AHCYL2: variants seen among roughly 807,000 people sequenced by gnomAD.
AHCYL2 encodes adenosylhomocysteinase like 2, also known as S-adenosylhomocysteine hydrolase-like protein 2.
A neutral mutation model predicts 81.4 loss-of-function variants in AHCYL2; 28 were observed. The ratio of observed to expected loss-of-function variants is 0.34; its 90% CI spans 0.25 to 0.47. The LOEUF (loss-of-function observed/expected upper bound fraction) is 0.47. Among genes scored for constraint, AHCYL2 ranks in the 20% least tolerant of loss-of-function variants. The pLI is 1.00. For synonymous variants in AHCYL2, 272 were observed against 290.2 expected, an observed-to-expected ratio of 0.94 and a Z score of 0.64; for missense variants, 551 against 785.1, an observed-to-expected ratio of 0.70 and a Z score of 3.56.
At chr7:129,341,938 T>C (rs1355538654) in intron 1 of AHCYL2, among the ~76,000 whole-genome samples, 1 of 152,174 alleles carries the variant, frequency 6.6e-6, no homozygotes, top group Non-Finnish European at 1.5e-5. Context: ...GGACTACAAG[T>C]CTGTTAAGTG....
intron 1 of AHCYL2, among the ~76,000 whole-genome samples, chr7:129,241,135 A>G (rs1401514101): frequency 6.6e-6 from 1 of 152,198 alleles, no homozygotes; most frequent in Non-Finnish European, 1.5e-5. Flanking sequence ...GAGTTGACAC[A>G]TGCAGCATGT....
intron 1 of AHCYL2, among the ~76,000 whole-genome samples, chr7:129,379,413 A>G (rs1459508735): frequency 6.6e-6 from 1 of 152,046 alleles, no homozygotes; most frequent in Middle Eastern, 3.2e-3. Context: ...TGAACCCAGG[A>G]GTTCAAGGCC....
intron 1 of AHCYL2, among the ~76,000 whole-genome samples, chr7:129,228,076 C>T (rs1009091739): frequency 3.3e-5 from 5 of 152,176 alleles, no homozygotes; most frequent in Non-Finnish European, 7.3e-5. Context: ...CTTAGATTGT[C>T]TATGTAAATA....
At chr7:129,416,597 A>G (rs1401597845) in intron 12 of AHCYL2, among the ~76,000 whole-genome samples, 1 of 152,134 alleles carries the variant, frequency 6.6e-6, no homozygotes, top group Non-Finnish European at 1.5e-5. Context: ...CAGGAGTTCA[A>G]GACCAGCCTG....
rs140822999 is a variant in AHCYL2 at position 129,393,629 on chromosome 7, C to T, written c.721-3593C>T. 7.7e-3 allele frequency among the ~76,000 whole-genome samples: 1,178 copies of T among 152,286 alleles called. 17 individuals are homozygous for T. Among genetic ancestry groups the T allele is most frequent in the African/African-American group, 0.027 (1,122 of 41,554 alleles). On this transcript the variant is annotated intron_variant, in intron 4 of 16. Transcript: ENST00000325006. Reference sequence around the variant, plus strand: ...TTCCCAGTTTGACCAGGGAGAGCCTCTTCAGTGTGGCTTCTGTGACTTCTT... The same window carrying T: ...TTCCCAGTTTGACCAGGGAGAGCCTTTTCAGTGTGGCTTCTGTGACTTCTT...
chr7:129,260,586 G>T (rs1459701818), intron 1 of AHCYL2, among the ~76,000 whole-genome samples: 1 of 152,114 alleles, frequency 6.6e-6, no homozygotes, highest in African/African-American at 2.4e-5. Context: ...AATTCTCAGG[G>T]TGTTGCTTGA....
intron 8 of AHCYL2, 78 bp from the exon 9 acceptor site, chr7:129,405,758 A>C: frequency 1.5e-6 from 2 of 1,356,132 alleles, no homozygotes; most frequent in South Asian, 3.1e-5. Context: ...AAACCCCATG[A>C]AAACAAAGAG....
rs1013174773 is a variant in AHCYL2, at chr7:129,406,595, GTC to G, written c.1295+131_1295+132del. On this transcript the variant is annotated intron_variant, in intron 10 of 16. Coordinates refer to ENST00000325006, the MANE Select transcript of AHCYL2 (RefSeq NM_015328.4). The surrounding 1 kb of genome is among the most constrained non-coding windows in gnomAD (Gnocchi z 4.3). Reference sequence around the variant, plus strand: ...ATGCTGCCACTAACTCTAAGCATCTGTCTTTTAAAAAGGTCAAGGAGCTCTGC... The same window carrying G: ...ATGCTGCCACTAACTCTAAGCATCTGTTTTAAAAAGGTCAAGGAGCTCTGC... 1.2e-5 allele frequency: 11 copies of G among 899,006 alleles called. No homozygotes were observed. Among genetic ancestry groups the G allele is most frequent in the Admixed American group, 2.1e-5 (1 of 46,832 alleles). The allele number at this position is 899,006 out of a possible 1,614,324, so 55.7% of individuals were successfully genotyped here.
intron 11 of AHCYL2, chr7:129,410,058 C>T (rs1470468366): frequency 8.6e-7 from 1 of 1,162,032 alleles, no homozygotes; most frequent in Non-Finnish European, 1.2e-6. Flanking sequence ...CTGGTTTGTA[C>T]TTCTGCCATC....
chr7:129,422,027 T>C (rs1001068153), intron 12 of AHCYL2, among the ~76,000 whole-genome samples: 2 of 152,266 alleles, frequency 1.3e-5, no homozygotes, highest in African/African-American at 4.8e-5. Context: ...GAATATGAAC[T>C]CACTTTCTAT....
chr7:129,262,183 G>A (rs78411364), intron 1 of AHCYL2, among the ~76,000 whole-genome samples: 293 of 152,218 alleles, frequency 1.9e-3, no homozygotes, highest in African/African-American at 6.6e-3. Context: ...GGAGAGATAC[G>A]TATTTATATA....
chr7:129,411,869 A>G (rs766525475), intron 11 of AHCYL2, among the ~76,000 whole-genome samples: 5 of 151,814 alleles, frequency 3.3e-5, no homozygotes, highest in Non-Finnish European at 5.9e-5. Context: ...GTATCATTGT[A>G]TGGTTATACT....
intron 1 of AHCYL2, among the ~76,000 whole-genome samples, chr7:129,300,537 A>G (rs529231576): frequency 4.3e-4 from 65 of 152,202 alleles, no homozygotes; most frequent in Non-Finnish European, 6.8e-4. Flanking sequence ...AAAAAAATCT[A>G]TTCGTCTGTT....
chr7:129,295,124 A>C (rs756293793), intron 1 of AHCYL2, among the ~76,000 whole-genome samples: 5 of 152,252 alleles, frequency 3.3e-5, no homozygotes, highest in Non-Finnish European at 7.3e-5. Context: ...GAAGAATTGA[A>C]AAATGGCACA....
chr7:129,287,599 A>G (rs1796682571), intron 1 of AHCYL2, among the ~76,000 whole-genome samples: 1 of 152,242 alleles, frequency 6.6e-6, no homozygotes, highest in South Asian at 2.1e-4. Flanking sequence ...CTGGGAAAGA[A>G]AAACCAAGGA....
At chr7:129,271,170 G>C (rs958430548) in intron 1 of AHCYL2, among the ~76,000 whole-genome samples, 5 of 151,934 alleles carry the variant, frequency 3.3e-5, no homozygotes, top group Non-Finnish European at 7.4e-5. Context: ...GACCATCCTG[G>C]CTAACACGGT....
intron 1 of AHCYL2, among the ~76,000 whole-genome samples, chr7:129,313,076 C>T (rs541859270): frequency 6.6e-6 from 1 of 152,236 alleles, no homozygotes; most frequent in East Asian, 1.9e-4. Flanking sequence ...AGAATCTAAG[C>T]TGTACAAGGG....
At chr7:129,298,745 A>G in intron 1 of AHCYL2, among the ~76,000 whole-genome samples, 1 of 152,324 alleles carries the variant, frequency 6.6e-6, no homozygotes, top group South Asian at 2.1e-4. Context: ...TATTTTATGT[A>G]TTATATTAAA....
At chr7:129,420,724 G>A (rs1258668385) in intron 12 of AHCYL2, among the ~76,000 whole-genome samples, 4 of 151,852 alleles carry the variant, frequency 2.6e-5, no homozygotes, top group Non-Finnish European at 5.9e-5. Flanking sequence ...GGGCTCAAGG[G>A]ATCTTCCCAC....
Sources: gnomAD v4.1 joint callset for allele counts (sites outside exome capture counted in the v4.1 genomes callset) on GRCh38, gnomAD v4.1.1 for gene constraint, Gnocchi (gnomAD v3.1) non-coding constraint, MANE v1.5 for transcripts, NCBI Gene and HGNC (gene_info 2026-07-23, HGNC 2026-07-21) for gene names.